COL4A6: variants seen among roughly 807,000 people sequenced by gnomAD.
COL4A6 encodes collagen alpha-6(IV) chain.
In COL4A6, 59 loss-of-function variants were observed where a neutral mutation model predicts 126.7. The ratio of observed to expected loss-of-function variants is 0.47; its 90% CI spans 0.38 to 0.58. The LOEUF is 0.58. COL4A6 is among the 20% of genes least tolerant of loss of function. The probability of loss-of-function intolerance (pLI) is 0.00; values close to 1 mark genes in which losing one functional copy is unlikely to be tolerated. For synonymous variants in COL4A6, 547 were observed against 496.6 expected, an observed-to-expected ratio of 1.10 and a Z score of -1.35; for missense variants, 1,285 against 1,337.3, an observed-to-expected ratio of 0.96 and a Z score of 0.61.
chrX:108,171,004 G>T (rs1315310064), intron 33 of COL4A6, 87 bp from the exon 34 acceptor site: 2 of 828,566 alleles, frequency 2.4e-6, no homozygotes, highest in Admixed American at 2.5e-5. Flanking sequence ...CTGAATTGCT[G>T]AAGGAGCTAG....
chrX:108,394,630 G>C (rs958421342), intron 2 of COL4A6, among the ~76,000 whole-genome samples: 8 of 111,417 alleles, frequency 7.2e-5, no homozygotes, highest in African/African-American at 2.6e-4. Context: ...ATATAACTGG[G>C]TTATGAATTC....
At chrX:108,299,398 G>T (rs1428436505) in intron 3 of COL4A6, among the ~76,000 whole-genome samples, 1 of 111,084 alleles carries the variant, frequency 9.0e-6, no homozygotes, top group African/African-American at 3.3e-5. Flanking sequence ...CCTTTTGTTT[G>T]CTTTCTTTTT....
intron 13 of COL4A6, among the ~76,000 whole-genome samples, chrX:108,197,772 A>AGG (rs2035264483): frequency 1.1e-5 from 1 of 87,236 alleles, no homozygotes; most frequent in African/African-American, 4.2e-5. Context: ...TATTGGGAGG[A>AGG]GTGTGTGTGT....
At chrX:108,374,312 C>A (rs1255012670) in intron 2 of COL4A6, among the ~76,000 whole-genome samples, 2 of 111,958 alleles carry the variant, frequency 1.8e-5, no homozygotes, top group Non-Finnish European at 3.8e-5. Flanking sequence ...TTTCAAATCA[C>A]CTCTTTGGGG....
intron 20 of COL4A6, among the ~76,000 whole-genome samples, chrX:108,190,122 G>T (rs1223735949): frequency 8.9e-6 from 1 of 112,168 alleles, no homozygotes; most frequent in Non-Finnish European, 1.9e-5. Context: ...AACTGGGAGG[G>T]GTAGCAGCAT....
chrX:108,310,651 G>A, intron 3 of COL4A6, 97 bp downstream of exon 3: 2 of 744,953 alleles, frequency 2.7e-6, no homozygotes, highest in Non-Finnish European at 4.1e-6. Context: ...GTTCCATGAG[G>A]TCATAAGAGT....
intron 3 of COL4A6, among the ~76,000 whole-genome samples, chrX:108,235,529 A>G (rs923765144): frequency 9.0e-5 from 10 of 111,000 alleles, no homozygotes; most frequent in Non-Finnish European, 1.9e-4. Context: ...AGATGGTTTC[A>G]GCTGCTGGGG....
intron 2 of COL4A6, among the ~76,000 whole-genome samples, chrX:108,359,882 C>T (rs1322284140): frequency 8.9e-6 from 1 of 112,290 alleles, no homozygotes; most frequent in Non-Finnish European, 1.9e-5. Flanking sequence ...AAAGAAGTTC[C>T]GTGTACATTT....
At chrX:108,344,253 G>A (rs1020982132) in intron 2 of COL4A6, among the ~76,000 whole-genome samples, 2 of 111,103 alleles carry the variant, frequency 1.8e-5, no homozygotes, top group Non-Finnish European at 3.8e-5. Flanking sequence ...TTTACTTCAA[G>A]GAAGCAAACC....
chrX:108,337,304 T>C (rs1028395297), intron 2 of COL4A6, among the ~76,000 whole-genome samples: 1 of 111,772 alleles, frequency 8.9e-6, no homozygotes, highest in Non-Finnish European at 1.9e-5. Flanking sequence ...CTTACACTTA[T>C]TTGAATCACC....
intron 3 of COL4A6, among the ~76,000 whole-genome samples, chrX:108,240,354 T>A (rs2036540687): frequency 8.9e-6 from 1 of 112,587 alleles, no homozygotes; most frequent in Non-Finnish European, 1.9e-5. Context: ...TAACGTTGTA[T>A]ATCCCACCAT....
At chrX:108,335,838 T>C (rs1003805274) in intron 2 of COL4A6, among the ~76,000 whole-genome samples, 3 of 111,110 alleles carry the variant, frequency 2.7e-5, no homozygotes, top group Non-Finnish European at 5.7e-5. Flanking sequence ...TACTACAGGA[T>C]ATTCCTAGTA....
At chrX:108,435,291 C>T (rs892486348) in intron 2 of COL4A6, among the ~76,000 whole-genome samples, 1 of 111,744 alleles carries the variant, frequency 8.9e-6, no homozygotes, top group Non-Finnish European at 1.9e-5. Flanking sequence ...AAGGATCTGA[C>T]TACTTCGGGA....
At chrX:108,210,619 C>T (rs1423920429) in intron 7 of COL4A6, among the ~76,000 whole-genome samples, 1 of 112,170 alleles carries the variant, frequency 8.9e-6, no homozygotes, top group African/African-American at 3.2e-5. Flanking sequence ...TTGACACCTG[C>T]TAGTCTTACT....
At chrX:108,431,583 A>T (rs1389143779) in intron 2 of COL4A6, among the ~76,000 whole-genome samples, 3 of 111,797 alleles carry the variant, frequency 2.7e-5, no homozygotes, top group African/African-American at 9.8e-5. Context: ...GTTTAAGAAG[A>T]TGCATAACGG....
intron 2 of COL4A6, among the ~76,000 whole-genome samples, chrX:108,346,772 A>C: frequency 1.8e-5 from 2 of 112,745 alleles, no homozygotes; most frequent in Middle Eastern, 9.2e-3. Flanking sequence ...AATAAGTGTG[A>C]GCTATACATA....
chrX:108,156,929 A>T lies in COL4A6; in HGVS notation c.*71T>A, dbSNP rs924514095. On this transcript the variant is annotated 3_prime_UTR_variant, in exon 45 of 45. Coordinates refer to ENST00000334504, the MANE Select transcript of COL4A6 (RefSeq NM_033641.4). ...AGGGGCTCAGGCCTTCCTTCTTCAG[A>T]CCATTCAGGTTTGTGAGGTGACTGT... is the stretch of plus-strand genomic sequence containing the variant. 1 of 1,059,030 alleles carries T rather than the reference A, an allele frequency of 9.4e-7. No homozygotes were observed. The highest frequency in any genetic ancestry group is 2.4e-5 in the Admixed American group (1 of 42,151). 87.3% of individuals were successfully genotyped at this position (1,059,030 alleles called of 1,213,427 possible). A position where few individuals can be genotyped will look rare whatever the true frequency, so the allele number is the denominator to read the frequency against.
chrX:108,405,964 C>G (rs73529133), intron 2 of COL4A6, among the ~76,000 whole-genome samples: 8,021 of 110,564 alleles, frequency 0.073, 641 homozygotes, highest in African/African-American at 0.23. Context: ...AATTTTACCT[C>G]CTATTTATCT....
rs759900165 is a variant in COL4A6 at position 108,349,403 on chromosome X, T to C, written c.64-38575A>G. ...ATGATACTGAACTGGAGAGGCAGTGTTGTGCAATAATTAGGGGGCTCAGAC... is the reference window on the plus strand; with the variant it reads ...ATGATACTGAACTGGAGAGGCAGTGCTGTGCAATAATTAGGGGGCTCAGAC... On this transcript the variant is annotated intron_variant, in intron 2 of 44. Transcript: ENST00000334504. 8.1e-5 allele frequency among the ~76,000 whole-genome samples: 9 copies of C among 111,474 alleles called. No homozygotes were observed. In the East Asian group the frequency reaches 2.5e-3, roughly 32 times the overall value.
Sources: allele counts gnomAD v4.1 joint callset (sites outside exome capture counted in the v4.1 genomes callset), GRCh38; gene constraint gnomAD v4.1.1; transcripts MANE v1.5; gene names NCBI Gene and HGNC (gene_info 2026-07-23, HGNC 2026-07-21).